CNTNAP2: variants seen among roughly 807,000 people sequenced by gnomAD.
The protein encoded by CNTNAP2 is contactin-associated protein-like 2.
A neutral mutation model predicts 155.2 loss-of-function variants in CNTNAP2; 98 were observed. That is an observed-to-expected ratio of 0.63 (90% confidence interval 0.54 to 0.75). The LOEUF (loss-of-function observed/expected upper bound fraction) is 0.75. CNTNAP2 is among the 30% of genes least tolerant of loss of function. The pLI is 0.00. For missense variants in CNTNAP2, 1,727 were observed against 1,688.1 expected (o/e 1.02, Z -0.40); for synonymous variants, 651 against 631.2 (o/e 1.03, Z -0.47).
intron 21 of CNTNAP2, among the ~76,000 whole-genome samples, chr7:148,302,555 C>A (rs2116501821): frequency 1.3e-5 from 2 of 152,174 alleles, no homozygotes; most frequent in South Asian, 4.2e-4. Context: ...AACTGTAATC[C>A]CCATGTGTCA....
chr7:146,817,106 T>C (rs756092570), intron 2 of CNTNAP2, among the ~76,000 whole-genome samples: 3 of 152,046 alleles, frequency 2.0e-5, no homozygotes, highest in Non-Finnish European at 2.9e-5. Context: ...CCAGATAGTA[T>C]AGAATAGAAA....
intron 13 of CNTNAP2, among the ~76,000 whole-genome samples, chr7:147,790,784 G>A (rs1246093354): frequency 6.6e-6 from 1 of 152,192 alleles, no homozygotes; most frequent in Non-Finnish European, 1.5e-5. Flanking sequence ...CTTGTTTGTT[G>A]GGTAATATAA....
chr7:146,180,873 G>A (rs1462558322), intron 1 of CNTNAP2, among the ~76,000 whole-genome samples: 3 of 152,180 alleles, frequency 2.0e-5, no homozygotes, highest in Admixed American at 6.5e-5. Flanking sequence ...TTCAAAACCA[G>A]TTCATCTGAA....
At chr7:147,706,345 T>G (rs1481077626) in intron 13 of CNTNAP2, among the ~76,000 whole-genome samples, 1 of 152,118 alleles carries the variant, frequency 6.6e-6, no homozygotes, top group Non-Finnish European at 1.5e-5. Context: ...CCTTCCACTT[T>G]CACTTGTCTG....
At chr7:146,384,584 T>C (rs1314385100) in intron 1 of CNTNAP2, among the ~76,000 whole-genome samples, 1 of 152,232 alleles carries the variant, frequency 6.6e-6, no homozygotes, top group Non-Finnish European at 1.5e-5. Flanking sequence ...AAAAGGTATT[T>C]GTTCTCCATG....
intron 1 of CNTNAP2, among the ~76,000 whole-genome samples, chr7:146,658,795 A>G (rs1800036074): frequency 1.3e-5 from 2 of 152,236 alleles, no homozygotes; most frequent in South Asian, 4.1e-4. Context: ...AAAGAATAAC[A>G]GTAGTTCTTA....
At chr7:147,188,210 C>T (rs547668399) in intron 8 of CNTNAP2, among the ~76,000 whole-genome samples, 5 of 152,102 alleles carry the variant, frequency 3.3e-5, no homozygotes, top group Admixed American at 6.5e-5. Context: ...CCCTTGGAAA[C>T]AAGAGTTTAA....
chr7:147,675,890 T>C (rs925465416), intron 13 of CNTNAP2, among the ~76,000 whole-genome samples: 1 of 152,070 alleles, frequency 6.6e-6, no homozygotes, highest in South Asian at 2.1e-4. Flanking sequence ...CATAATTCTT[T>C]AGAGCACAAG....
At chr7:146,191,391 T>C (rs1798702926) in intron 1 of CNTNAP2, among the ~76,000 whole-genome samples, 1 of 152,022 alleles carries the variant, frequency 6.6e-6, no homozygotes, top group Admixed American at 6.6e-5. Flanking sequence ...ACAAGGCAAA[T>C]GGGGACAGAG....
At chr7:146,904,620 C>T (rs1054192007) in intron 3 of CNTNAP2, among the ~76,000 whole-genome samples, 13 of 152,018 alleles carry the variant, frequency 8.6e-5, no homozygotes, top group Non-Finnish European at 1.8e-4. Flanking sequence ...TACAGGCACC[C>T]GCCACCACGC....
chr7:146,941,622 G>A (rs1387414113), intron 3 of CNTNAP2, among the ~76,000 whole-genome samples: 2 of 152,042 alleles, frequency 1.3e-5, no homozygotes, highest in Non-Finnish European at 2.9e-5. Context: ...TAATCTTAGT[G>A]TCCTGTTCTT....
At chr7:147,035,722 C>T (rs996642026) in intron 3 of CNTNAP2, among the ~76,000 whole-genome samples, 8 of 152,116 alleles carry the variant, frequency 5.3e-5, no homozygotes, top group African/African-American at 1.9e-4. Flanking sequence ...CATGAAGATA[C>T]AGAGTCTCAT....
intron 4 of CNTNAP2, among the ~76,000 whole-genome samples, chr7:147,074,077 C>G (rs942023555): frequency 6.6e-6 from 1 of 152,150 alleles, no homozygotes; most frequent in Non-Finnish European, 1.5e-5. Flanking sequence ...CTATTGCACT[C>G]CGTAGAATTT....
At chr7:146,235,998 T>C (rs1465199170) in intron 1 of CNTNAP2, among the ~76,000 whole-genome samples, 1 of 151,710 alleles carries the variant, frequency 6.6e-6, no homozygotes, top group Non-Finnish European at 1.5e-5. Flanking sequence ...ATTTGTAAAA[T>C]GCCATTATCC....
At chr7:148,140,879 G>T (rs1021825741) in intron 16 of CNTNAP2, among the ~76,000 whole-genome samples, 16 of 152,214 alleles carry the variant, frequency 1.1e-4, no homozygotes, top group African/African-American at 3.1e-4. Flanking sequence ...CAAAGGCAAG[G>T]GCCAGACCTC....
intron 3 of CNTNAP2, among the ~76,000 whole-genome samples, chr7:146,953,748 G>A (rs1675728747): frequency 6.6e-6 from 1 of 151,760 alleles, no homozygotes; most frequent in Non-Finnish European, 1.5e-5. Flanking sequence ...GACAAAGCTA[G>A]CAAATGCCGA....
At chr7:146,807,684 T>C (rs1585099738) in intron 2 of CNTNAP2, among the ~76,000 whole-genome samples, 1 of 152,088 alleles carries the variant, frequency 6.6e-6, no homozygotes, top group Non-Finnish European at 1.5e-5. Flanking sequence ...TGACCTCTTT[T>C]CCCTCCCTCT....
At chr7:146,229,643 G>GC (rs1307870592) in intron 1 of CNTNAP2, among the ~76,000 whole-genome samples, 7 of 151,806 alleles carry the variant, frequency 4.6e-5, no homozygotes, top group African/African-American at 1.7e-4. Context: ...GTTGCCAAAT[G>GC]CTACTGCTAC....
Position 146,116,810 on chromosome 7 carries a change from C to T in CNTNAP2, c.-67C>T. On this transcript the variant is annotated 5_prime_UTR_variant, in exon 1 of 24. Coordinates refer to ENST00000361727, the MANE Select transcript of CNTNAP2 (RefSeq NM_014141.6). The surrounding 1 kb of genome is among the most constrained non-coding windows in gnomAD (Gnocchi z 5.5). ...AGGACAGCCCATCTCCCTTCAAGAA[C>T]CCTACGGAGAGTCGGACTGCATCTC... 1 of 1,303,776 alleles carries T rather than the reference C, an allele frequency of 7.7e-7. No homozygotes were observed. Among genetic ancestry groups the T allele is most frequent in the Non-Finnish European group, 1.1e-6 (1 of 939,602 alleles). 80.8% of individuals were successfully genotyped at this position (1,303,776 alleles called of 1,614,324 possible).
Sources: gnomAD v4.1 joint callset for allele counts (sites outside exome capture counted in the v4.1 genomes callset) on GRCh38, gnomAD v4.1.1 for gene constraint, Gnocchi (gnomAD v3.1) non-coding constraint, MANE v1.5 for transcripts, NCBI Gene and HGNC (gene_info 2026-07-23, HGNC 2026-07-21) for gene names.